GRM7: variants seen among roughly 807,000 people sequenced by gnomAD.
The protein encoded by GRM7 is glutamate metabotropic receptor 7.
Under a neutral mutation model 84.5 loss-of-function variants are expected in GRM7, and 35 were observed. That is an observed-to-expected ratio of 0.41 (90% CI 0.32 to 0.55). GRM7 has a LOEUF of 0.55. Among genes scored for constraint, GRM7 ranks in the 20% least tolerant of loss-of-function variants. The pLI, the probability that GRM7 is intolerant of heterozygous loss-of-function variation, is 0.19. For missense variants in GRM7, 1,003 were observed against 1,194.6 expected (o/e 0.84, Z 2.36); for synonymous variants, 487 against 455.1 (o/e 1.07, Z -0.89).
chr3:6,927,794 T>C (rs1697365862), intron 1 of GRM7, among the ~76,000 whole-genome samples: 1 of 152,202 alleles, frequency 6.6e-6, no homozygotes, highest in Admixed American at 6.5e-5. Flanking sequence ...GTTCTTCATT[T>C]AGATAATTTG....
intron 2 of GRM7, among the ~76,000 whole-genome samples, chr3:7,158,508 A>G (rs1355255008): frequency 4.6e-5 from 7 of 152,050 alleles, no homozygotes; most frequent in Non-Finnish European, 1.5e-5. Context: ...TACTCCATGT[A>G]GTGTTCCTGC....
intron 2 of GRM7, among the ~76,000 whole-genome samples, chr3:7,259,233 C>T (rs1019212884): frequency 6.6e-6 from 1 of 152,132 alleles, no homozygotes; most frequent in Non-Finnish European, 1.5e-5. Flanking sequence ...TCAGTTTTGC[C>T]ATCTGTAAAG....
intron 1 of GRM7, among the ~76,000 whole-genome samples, chr3:6,915,200 C>T (rs1446576636): frequency 6.6e-6 from 1 of 152,120 alleles, no homozygotes; most frequent in Non-Finnish European, 1.5e-5. Context: ...ATAAAATAGT[C>T]ATCCATATTT....
intron 4 of GRM7, among the ~76,000 whole-genome samples, chr3:7,410,403 T>G (rs1695874769): frequency 6.6e-6 from 1 of 151,818 alleles, no homozygotes. Context: ...AGATCCTATC[T>G]CTACAAAAAA....
At chr3:7,648,721 G>A (rs374920556) in intron 8 of GRM7, among the ~76,000 whole-genome samples, 1 of 151,942 alleles carries the variant, frequency 6.6e-6, no homozygotes, top group Non-Finnish European at 1.5e-5. Context: ...GTCTAATGTT[G>A]TGAAAATATC....
intron 5 of GRM7, among the ~76,000 whole-genome samples, chr3:7,449,260 T>C (rs1195562803): frequency 2.0e-5 from 3 of 152,126 alleles, no homozygotes; most frequent in African/African-American, 7.2e-5. Context: ...TAAAACATCT[T>C]GGCTAACTTT....
chr3:7,674,182 A>T (rs928005805), intron 8 of GRM7, among the ~76,000 whole-genome samples: 22 of 151,986 alleles, frequency 1.4e-4, no homozygotes, highest in African/African-American at 5.1e-4. Flanking sequence ...ATTCTTTAGT[A>T]GTTGAATTTT....
At chr3:7,228,132 G>T (rs909663865) in intron 2 of GRM7, among the ~76,000 whole-genome samples, 10 of 152,074 alleles carry the variant, frequency 6.6e-5, no homozygotes, top group African/African-American at 1.2e-4. Context: ...TGCTAGGATT[G>T]CCCCACCTTC....
chr3:7,096,307 G>T (rs372247230), intron 1 of GRM7, among the ~76,000 whole-genome samples: 51 of 152,192 alleles, frequency 3.4e-4, no homozygotes, highest in African/African-American at 1.2e-3. Flanking sequence ...TAATTCAATA[G>T]CCATACTTTG....
At chr3:7,694,289 T>TTCAAATG (rs1378518273) in intron 9 of GRM7, 1 of 189,520 alleles carries the variant, frequency 5.3e-6, no homozygotes, top group Non-Finnish European at 9.8e-6. Context: ...ACAACAGCCG[T>TTCAAATG]TCAAATGTTA....
intron 9 of GRM7, among the ~76,000 whole-genome samples, chr3:7,723,368 A>G (rs2106521052): frequency 6.6e-6 from 1 of 152,242 alleles, no homozygotes; most frequent in South Asian, 2.1e-4. Context: ...CACCTCTGTA[A>G]GACCCCTGCT....
intron 1 of GRM7, among the ~76,000 whole-genome samples, chr3:7,075,495 G>GGTGTGTGTGT (rs1559422641): frequency 3.1e-5 from 3 of 96,930 alleles, no homozygotes; most frequent in African/African-American, 9.1e-5. Context: ...TTGCTTCTCA[G>GGTGTGTGTGT]ATGTGTGTGT....
chr3:7,630,359 A>AT (rs557724448), intron 8 of GRM7, among the ~76,000 whole-genome samples: 452 of 152,266 alleles, frequency 3.0e-3, no homozygotes, highest in African/African-American at 0.01. Flanking sequence ...CTGTCACAGT[A>AT]TTTTCAACAC....
intron 4 of GRM7, among the ~76,000 whole-genome samples, chr3:7,333,802 T>C (rs2125069063): frequency 6.6e-6 from 1 of 151,848 alleles, no homozygotes; most frequent in African/African-American, 2.4e-5. Flanking sequence ...AAGACACACT[T>C]AGAAAAATGC....
At chr3:6,921,067 A>G (rs549554034) in intron 1 of GRM7, among the ~76,000 whole-genome samples, 3 of 152,228 alleles carry the variant, frequency 2.0e-5, no homozygotes, top group Non-Finnish European at 2.9e-5. Context: ...TTCTGAAGGC[A>G]TCCGTCACAT....
rs138637305 is a variant in GRM7, at chr3:7,133,871, T to G, written c.520-12581T>G. 5.6e-3 allele frequency among the ~76,000 whole-genome samples: 860 copies of G among 152,242 alleles called. 10 individuals carry two copies. Among genetic ancestry groups the G allele is most frequent in the African/African-American group, 0.019 (810 of 41,564 alleles). ...TTTTCTCTGTTACTCTAGGTAAGTG[T>G]ATGCTGATGGTTTCTGGGATACCAC... On this transcript the variant is annotated intron_variant, in intron 1 of 9. Transcript: ENST00000357716.
At chr3:7,723,856 AT>A (rs555326900) in intron 9 of GRM7, among the ~76,000 whole-genome samples, 1 of 152,030 alleles carries the variant, frequency 6.6e-6, no homozygotes, top group South Asian at 2.1e-4. Flanking sequence ...CCCCAAAAAC[AT>A]TTTTTTAATA....
intron 4 of GRM7, among the ~76,000 whole-genome samples, chr3:7,386,621 C>G (rs553567289): frequency 1.3e-5 from 2 of 152,296 alleles, no homozygotes; most frequent in Admixed American, 1.3e-4. Context: ...TTCTTTATGG[C>G]TACATAGTAT....
Position 7,740,547 on chromosome 3 carries a change from A to G in GRM7, c.*141A>G. On this transcript the variant is annotated 3_prime_UTR_variant, in exon 10 of 10. Coordinates refer to ENST00000357716, the MANE Select transcript of GRM7 (RefSeq NM_000844.4). The stretch of plus-strand genomic sequence containing the variant: ...CCGGGAGACCAGTGTTAGAGGATCC[A>G]AGCGACCTAAACAGCTGCTTTATGA... The G allele has an allele frequency of 3.9e-6, 2 of 517,724 alleles. No homozygotes were observed. The highest frequency in any genetic ancestry group is 3.4e-6 in the Non-Finnish European group (1 of 290,338). 32.1% of individuals were successfully genotyped at this position (517,724 alleles called of 1,614,324 possible).
Sources: gnomAD v4.1 joint callset for allele counts (sites outside exome capture counted in the v4.1 genomes callset) on GRCh38, gnomAD v4.1.1 for gene constraint, MANE v1.5 for transcripts, NCBI Gene and HGNC (gene_info 2026-07-23, HGNC 2026-07-21) for gene names.